The following KCNJ16 variants were observed in gnomAD, a reference collection of about 807,000 sequenced individuals.
KCNJ16 encodes potassium inwardly rectifying channel subfamily J member 16, also known as inward rectifier potassium channel 16.
A neutral mutation model predicts 18.5 loss-of-function variants in KCNJ16; 15 were observed. The observed-to-expected ratio is 0.81, with a 90% CI of 0.54 to 1.25. The LOEUF (loss-of-function observed/expected upper bound fraction) is 1.25. Among genes scored for constraint, KCNJ16 ranks in the 50% most tolerant of loss-of-function variants. The probability of loss-of-function intolerance (pLI) is 0.00; values close to 1 mark genes in which losing one functional copy is unlikely to be tolerated. For missense variants in KCNJ16, 523 were observed against 525.7 expected (o/e 0.99, Z 0.05); for synonymous variants, 174 against 186.5 (o/e 0.93, Z 0.55).
At position 70,133,706 on chromosome 17, in the gene KCNJ16, T is replaced by C. The variant is rs544063221; in HGVS notation, c.*362T>C. 1 of 188,438 alleles carries C rather than the reference T, an allele frequency of 5.3e-6. No individual in the cohort carries two copies. The highest frequency in any genetic ancestry group is 5.6e-5 in the Admixed American group (1 of 17,858). The allele number at this position is 188,438 out of a possible 1,614,324, so 11.7% of individuals were successfully genotyped here. ...ATAAAAATAGACAAGTAAGACAGCA[T>C]AAATAATACATTTTTAAACATGTCA... On this transcript the variant is annotated 3_prime_UTR_variant, in exon 4 of 4. Transcript: ENST00000392671.
At chr17:70,106,227 TA>T (rs1340876414) in intron 2 of KCNJ16, among the ~76,000 whole-genome samples, 2 of 152,090 alleles carry the variant, frequency 1.3e-5, no homozygotes, top group African/African-American at 2.4e-5. Flanking sequence ...TTATTTTTTT[TA>T]AAAAAGATTA....
Position 70,133,176 on chromosome 17 carries a change from C to A in KCNJ16, c.1089C>A (p.Cys363Ter), listed in dbSNP as rs867417564. Residue 363 changes from cysteine to a stop codon, truncating the protein, a stop_gained, in exon 4 of 4, where the codon TGC becomes TGA. Transcript: ENST00000392671. LOFTEE classifies it low-confidence loss of function (END_TRUNC). ...IEKAPPVRES[C>*]TSDTKARRRS... ...AAGCACCACCAGTTCGAGAATCCTG[C>A]ACGTCGGACACCAAGGCGAGACGAA... 6.2e-7 allele frequency: 1 copy of A among 1,614,192 alleles called. No homozygotes were observed. Among genetic ancestry groups the A allele is most frequent in the Non-Finnish European group, 8.5e-7 (1 of 1,180,042 alleles).
At chr17:70,114,529 A>G (rs1167998211) in intron 2 of KCNJ16, among the ~76,000 whole-genome samples, 1 of 151,884 alleles carries the variant, frequency 6.6e-6, no homozygotes, top group Non-Finnish European at 1.5e-5. Flanking sequence ...ACTACATGGG[A>G]GCTACTAAAG....
At chr17:70,131,602 C>G (rs1323513919) in intron 3 of KCNJ16, 1 of 400,726 alleles carries the variant, frequency 2.5e-6, no homozygotes, top group African/African-American at 2.2e-5. Context: ...AAGCTTATGA[C>G]TGCTAGACAC....
At chr17:70,102,762 G>A (rs895146557) in intron 2 of KCNJ16, among the ~76,000 whole-genome samples, 1 of 151,966 alleles carries the variant, frequency 6.6e-6, no homozygotes, top group Non-Finnish European at 1.5e-5. Flanking sequence ...AACACTTCCT[G>A]TCACCGTTTT....
At chr17:70,086,367 G>A (rs192785711) in intron 1 of KCNJ16, among the ~76,000 whole-genome samples, 49 of 152,238 alleles carry the variant, frequency 3.2e-4, no homozygotes, top group African/African-American at 9.9e-4. Context: ...GAAGTCAAAC[G>A]TGTATTTTCA....
Position 70,120,374 on chromosome 17 carries a change from G to A in KCNJ16, c.-190-10505G>A, listed in dbSNP as rs139046152. ...GTCATTCAGTTTCAAAGCCACTTTC[G>A]CATTTTCACGTGTCTTTGTAGCAAT... On this transcript the variant is annotated intron_variant, in intron 2 of 3. Transcript: ENST00000392671. Among the ~76,000 whole-genome samples, 1,079 of 152,142 alleles carry A rather than the reference G, an allele frequency of 7.1e-3. 13 individuals are homozygous for A. Among genetic ancestry groups the A allele is most frequent in the Non-Finnish European group, 8.6e-3 (587 of 68,022 alleles).
rs773849972 is a variant in KCNJ16 at position 70,133,102 on chromosome 17, T to G, written c.1015T>G (p.Cys339Gly). Residue 339 changes from cysteine to glycine, a missense_variant, in exon 4 of 4, where the codon TGC (cysteine) becomes GGC (glycine). Transcript: ENST00000392671. Reference protein sequence around the residue: ...EGSVEVYAPFCSAKQLDWKDQ... With the variant: ...EGSVEVYAPFGSAKQLDWKDQ... ...AAGTGTGGAAGTATATGCCCCCTTTTGCAGTGCCAAGCAATTGGACTGGAA... is the reference window on the plus strand; with the variant it reads ...AAGTGTGGAAGTATATGCCCCCTTTGGCAGTGCCAAGCAATTGGACTGGAA... 7 of 1,614,040 alleles carry G rather than the reference T, an allele frequency of 4.3e-6. No individual in the cohort carries two copies. In the Admixed American group the frequency reaches 1.2e-4, roughly 27 times the overall value.
intron 2 of KCNJ16, among the ~76,000 whole-genome samples, chr17:70,125,519 T>TCATCCTC (rs1309993439): frequency 1.3e-5 from 2 of 152,300 alleles, no homozygotes; most frequent in Middle Eastern, 3.4e-3. Flanking sequence ...AACTCAGTTC[T>TCATCCTC]CATGGTGTTA....
intron 1 of KCNJ16, among the ~76,000 whole-genome samples, 181 bp from the exon 2 acceptor site, chr17:70,100,477 C>T (rs1222848866): frequency 6.6e-6 from 1 of 152,078 alleles, no homozygotes; most frequent in Non-Finnish European, 1.5e-5. Context: ...TTTTCACCAC[C>T]CGAAAAACAT....
At chr17:70,122,573 C>A (rs536884549) in intron 2 of KCNJ16, among the ~76,000 whole-genome samples, 2 of 152,298 alleles carry the variant, frequency 1.3e-5, no homozygotes, top group Non-Finnish European at 2.9e-5. Flanking sequence ...TTAACACCAG[C>A]AGAAGAAAAC....
At chr17:70,120,032 G>C in intron 2 of KCNJ16, among the ~76,000 whole-genome samples, 1 of 152,186 alleles carries the variant, frequency 6.6e-6, no homozygotes, top group African/African-American at 2.4e-5. Context: ...TAGGCAGTTA[G>C]AAGCAGCCCT....
intron 2 of KCNJ16, among the ~76,000 whole-genome samples, chr17:70,111,720 G>C (rs983897429): frequency 6.6e-6 from 1 of 152,038 alleles, no homozygotes; most frequent in Non-Finnish European, 1.5e-5. Flanking sequence ...TCATGGGGTA[G>C]TTTCCCCCAT....
chr17:70,123,333 G>C (rs1055252780), intron 2 of KCNJ16, among the ~76,000 whole-genome samples: 1 of 152,176 alleles, frequency 6.6e-6, no homozygotes, highest in South Asian at 2.1e-4. Context: ...GAGCAGAAAC[G>C]AGAGGCAAGA....
chr17:70,128,887 G>A (rs1342024621), intron 2 of KCNJ16: 1 of 152,296 alleles, frequency 6.6e-6, no homozygotes, highest in Admixed American at 6.5e-5. Flanking sequence ...CACCAAATGA[G>A]TATGCGGCAG....
intron 2 of KCNJ16, among the ~76,000 whole-genome samples, chr17:70,124,727 C>T (rs1483328715): frequency 2.0e-5 from 3 of 152,152 alleles, no homozygotes; most frequent in African/African-American, 7.2e-5. Flanking sequence ...CATGTACACA[C>T]AATTTAAGAC....
At chr17:70,081,494 C>T (rs1418520364) in intron 1 of KCNJ16, among the ~76,000 whole-genome samples, 6 of 152,112 alleles carry the variant, frequency 3.9e-5, no homozygotes, top group Admixed American at 2.0e-4. Flanking sequence ...CAAAACCAAA[C>T]AGAAGCAAAA....
intron 2 of KCNJ16, among the ~76,000 whole-genome samples, chr17:70,121,770 T>C (rs966183885): frequency 6.6e-6 from 1 of 152,060 alleles, no homozygotes; most frequent in African/African-American, 2.4e-5. Context: ...AGTGAACATT[T>C]TGCTGCTTAG....
intron 1 of KCNJ16, among the ~76,000 whole-genome samples, chr17:70,086,248 A>G (rs968114787): frequency 1.3e-5 from 2 of 152,222 alleles, no homozygotes; most frequent in African/African-American, 4.8e-5. Context: ...TATTACAATT[A>G]GTTAATGAAG....
Sources: gnomAD v4.1 joint callset for allele counts (sites outside exome capture counted in the v4.1 genomes callset) on GRCh38, gnomAD v4.1.1 for gene constraint, MANE v1.5 for transcripts, NCBI Gene and HGNC (gene_info 2026-07-23, HGNC 2026-07-21) for gene names.